The following MTFR1 variants were observed in gnomAD, a reference collection of about 807,000 sequenced individuals.
The protein encoded by MTFR1 is mitochondrial fission regulator 1.
Under a neutral mutation model 38.8 loss-of-function variants are expected in MTFR1, and 28 were observed. The ratio of observed to expected loss-of-function variants is 0.72; its 90% CI spans 0.53 to 0.99. The LOEUF is 0.99. Ranked by LOEUF, MTFR1 falls within the 50% of genes least tolerant of loss-of-function variation. The pLI, the probability that MTFR1 is intolerant of heterozygous loss-of-function variation, is 0.00. For missense variants in MTFR1, 358 were observed against 395.5 expected (o/e 0.91, Z 0.81); for synonymous variants, 145 against 137.0 (o/e 1.06, Z -0.41).
chr8:65,719,221 T>A, intron 2 of MTFR1: 1 of 1,037,972 alleles, frequency 9.6e-7, no homozygotes, highest in South Asian at 1.3e-5. Context: ...TTAAGTTCTC[T>A]CACCTCAAGA....
At position 65,674,212 on chromosome 8, in the gene MTFR1, C is replaced by T. The variant is rs77418536; in HGVS notation, c.66+4194C>T. On this transcript the variant is annotated intron_variant, in intron 2 of 7. Transcript: ENST00000262146. ...CCTCCCAAAGTTCTGGGATTACAGGCGTGAGCCACTGCGTCCGTCCTTTTA... is the reference window on the plus strand; with the variant it reads ...CCTCCCAAAGTTCTGGGATTACAGGTGTGAGCCACTGCGTCCGTCCTTTTA... 7.6e-3 allele frequency among the ~76,000 whole-genome samples: 1,161 copies of T among 152,132 alleles called. 6 individuals carry two copies. Among genetic ancestry groups the T allele is most frequent in the African/African-American group, 0.025 (1,050 of 41,530 alleles).
intron 3 of MTFR1, among the ~76,000 whole-genome samples, chr8:65,741,095 C>T (rs1219223060): frequency 6.6e-6 from 1 of 152,158 alleles, no homozygotes; most frequent in African/African-American, 2.4e-5. Context: ...GTGTAACTCT[C>T]CATTTTTTAT....
chr8:65,664,385 A>G (rs935332975), intron 1 of MTFR1, among the ~76,000 whole-genome samples: 30 of 152,214 alleles, frequency 2.0e-4, no homozygotes, highest in African/African-American at 7.0e-4. Flanking sequence ...GTGTTGAATT[A>G]TAGAAGTCAG....
intron 2 of MTFR1, among the ~76,000 whole-genome samples, chr8:65,675,684 T>G (rs556394410): frequency 6.6e-6 from 1 of 152,280 alleles, no homozygotes; most frequent in African/African-American, 2.4e-5. Context: ...AATATCTCCA[T>G]TTTATAGGTG....
downstream of MTFR1, among the ~76,000 whole-genome samples, chr8:65,711,588 A>G (rs187417048): frequency 5.3e-5 from 8 of 152,246 alleles, no homozygotes; most frequent in East Asian, 7.7e-4. Flanking sequence ...GAGATTTAGC[A>G]TTCTTCTCTG....
At chr8:65,765,255 C>G (rs923479957) in intron 3 of MTFR1, among the ~76,000 whole-genome samples, 1 of 151,552 alleles carries the variant, frequency 6.6e-6, no homozygotes, top group Non-Finnish European at 1.5e-5. Context: ...TTTGGGAGGC[C>G]GAGGCGGGCG....
chr8:65,777,406 C>T, the MTFR1 span, among the ~76,000 whole-genome samples: 1 of 152,128 alleles, frequency 6.6e-6, no homozygotes, highest in Non-Finnish European at 1.5e-5. Context: ...GTGAATTACA[C>T]TGATTGATTT....
chr8:65,753,235 G>A (rs115905909), intron 3 of MTFR1, among the ~76,000 whole-genome samples: 1 of 152,138 alleles, frequency 6.6e-6, no homozygotes, highest in Non-Finnish European at 1.5e-5. Context: ...TATTGAATGA[G>A]CTGAATTTTC....
intron 4 of MTFR1, among the ~76,000 whole-genome samples, chr8:65,704,030 A>C (rs1406174777): frequency 1.3e-5 from 2 of 152,188 alleles, no homozygotes; most frequent in Non-Finnish European, 2.9e-5. Context: ...TGGGCAACAT[A>C]GGGAAACCCT....
intron 3 of MTFR1, chr8:65,728,729 T>C (rs1421748411): frequency 2.0e-5 from 3 of 152,174 alleles, no homozygotes; most frequent in Non-Finnish European, 2.9e-5. Context: ...TGTAATTTAT[T>C]AGGCAGTATG....
intron 3 of MTFR1, among the ~76,000 whole-genome samples, chr8:65,729,312 C>A (rs1287566934): frequency 6.7e-6 from 1 of 149,884 alleles, no homozygotes; most frequent in Non-Finnish European, 1.5e-5. Flanking sequence ...GCCTGCCAGC[C>A]CTTATCATTT....
Position 65,710,536 on chromosome 8 carries a change from C to CAA in MTFR1, c.*1494_*1495dup, listed in dbSNP as rs1378571396. 2.6e-5 allele frequency: 4 copies of CAA among 152,610 alleles called. No individual in the cohort carries two copies. Among genetic ancestry groups the CAA allele is most frequent in the African/African-American group, 7.2e-5 (3 of 41,530 alleles). 9.5% of individuals were successfully genotyped at this position (152,610 alleles called of 1,614,324 possible). The stretch of plus-strand genomic sequence containing the variant: ...AGGAAGTTACTGTTTTAAAATAAAG[C>CAA]AAACTAACTGTTTTATTTTCCTTGG... On this transcript the variant is annotated 3_prime_UTR_variant, in exon 8 of 8. Transcript: ENST00000262146.
intron 3 of MTFR1, among the ~76,000 whole-genome samples, chr8:65,760,176 G>A (rs1007440468): frequency 6.6e-6 from 1 of 152,178 alleles, no homozygotes; most frequent in Non-Finnish European, 1.5e-5. Context: ...GGAAGTAGAG[G>A]TTGCAGTGAG....
chr8:65,752,441 G>A (rs1808012023), intron 3 of MTFR1, among the ~76,000 whole-genome samples: 1 of 151,834 alleles, frequency 6.6e-6, no homozygotes, highest in Non-Finnish European at 1.5e-5. Flanking sequence ...GTCTTTCTTG[G>A]TTCTCCTTTT....
chr8:65,719,733 C>G (rs1188088878), intron 3 of MTFR1: 4 of 523,964 alleles, frequency 7.6e-6, no homozygotes, highest in South Asian at 5.0e-5. Context: ...ACAAATATAT[C>G]TAACCTTTTC....
chr8:65,724,348 C>T lies in MTFR1; in HGVS notation c.*48+4867C>T, dbSNP rs745388863. On this transcript the variant is annotated intron_variant, in intron 3 of 3. Coordinates refer to the MTFR1 transcript ENST00000521247. ...TTACAAATATCAGCACATTTCAAAG[C>T]CATCTAGCAAACAAAACATTAATAT... 3 of 1,608,362 alleles carry T rather than the reference C, an allele frequency of 1.9e-6. No homozygotes were observed. The highest frequency in any genetic ancestry group is 2.6e-6 in the Non-Finnish European group (3 of 1,175,388).
Position 65,707,025 on chromosome 8 carries a change from C to A in MTFR1, c.533C>A (p.Thr178Asn). The change falls in exon 6 of 8, where the codon ACC becomes AAC. Residue 178 changes from threonine to asparagine, a missense_variant. Coordinates refer to ENST00000262146, the MANE Select transcript of MTFR1 (RefSeq NM_014637.4). The part of the protein sequence containing the change: ...QNLTAGDLDS[T>N]TFGTIPPHPP... Reference sequence around the variant, plus strand: ...GTTTCTGTAGGTGACTTAGATTCTACCACATTTGGTACCATACCACCACAC... The same window carrying A: ...GTTTCTGTAGGTGACTTAGATTCTAACACATTTGGTACCATACCACCACAC... 3 of 1,600,984 alleles carry A rather than the reference C, an allele frequency of 1.9e-6. No homozygotes were observed. The highest frequency in any genetic ancestry group is 2.6e-6 in the Non-Finnish European group (3 of 1,174,538).
In MTFR1 at chr8:65,649,900, G is replaced by A. The variant is rs181552292; in HGVS notation, c.-81+5116G>A. Among the ~76,000 whole-genome samples, 1,151 of 151,678 alleles carry A rather than the reference G, an allele frequency of 7.6e-3. 6 individuals are homozygous for A. The highest frequency in any genetic ancestry group is 0.025 in the African/African-American group (1,044 of 41,346). On this transcript the variant is annotated intron_variant, in intron 1 of 7. Coordinates refer to ENST00000262146, the MANE Select transcript of MTFR1 (RefSeq NM_014637.4). ...GTCACCAAGGCTGCAGTGCAGTGGC[G>A]TGATCTCGGCTCACTGCCACCTCTG...
intron 3 of MTFR1, among the ~76,000 whole-genome samples, chr8:65,743,325 G>A (rs1807524370): frequency 6.6e-6 from 1 of 152,182 alleles, no homozygotes; most frequent in African/African-American, 2.4e-5. Context: ...AAGGCTAACT[G>A]TGTAAATGAT....
Sources: allele counts gnomAD v4.1 joint callset (sites outside exome capture counted in the v4.1 genomes callset), GRCh38; gene constraint gnomAD v4.1.1; transcripts MANE v1.5; gene names NCBI Gene and HGNC (gene_info 2026-07-23, HGNC 2026-07-21).